ZNF827: variants seen among roughly 807,000 people sequenced by gnomAD.
The protein encoded by ZNF827 is zinc finger protein 827.
A neutral mutation model predicts 102.4 loss-of-function variants in ZNF827; 13 were observed. The observed-to-expected ratio is 0.13, with a 90% CI of 0.08 to 0.20. ZNF827 has a LOEUF of 0.20. Among genes scored for constraint, ZNF827 ranks in the 10% least tolerant of loss-of-function variants. The probability of loss-of-function intolerance (pLI) is 1.00; values close to 1 mark genes in which losing one functional copy is unlikely to be tolerated. For missense variants in ZNF827, 1,103 were observed against 1,344.4 expected, an observed-to-expected ratio of 0.82 and a Z score of 2.81; for synonymous variants, 523 against 536.2, an observed-to-expected ratio of 0.98 and a Z score of 0.34.
intron 7 of ZNF827, chr4:145,830,754 T>C (rs1344356401): frequency 6.6e-6 from 1 of 152,210 alleles, no homozygotes; most frequent in Non-Finnish European, 1.5e-5. Context: ...TCGAACACTT[T>C]AAAAAATAAA....
At chr4:145,845,497 A>G (rs961743242) in intron 7 of ZNF827, among the ~76,000 whole-genome samples, 1 of 152,150 alleles carries the variant, frequency 6.6e-6, no homozygotes, top group East Asian at 1.9e-4. Context: ...GTTAAAAAAA[A>G]TTTGGGATAT....
chr4:145,882,420 CA>C lies in ZNF827; in HGVS notation c.1747+3257del, dbSNP rs528955447. Among the ~76,000 whole-genome samples, 11 of 152,192 alleles carry C rather than the reference CA, an allele frequency of 7.2e-5. No individual in the cohort carries two copies. The East Asian group carries it at 2.1e-3, about 29-fold the overall frequency. ...GCAGCATTATTTTTGAAGGACCAAG[CA>C]GTGTTAAGTGTGGGCTCAGTCAGAA... is the stretch of plus-strand genomic sequence containing the variant. On this transcript the variant is annotated intron_variant, in intron 4 of 14. Coordinates refer to ENST00000508784, the MANE Select transcript of ZNF827 (RefSeq NM_001306215.2).
chr4:145,813,210 C>T (rs886682697), intron 8 of ZNF827, among the ~76,000 whole-genome samples: 4 of 152,260 alleles, frequency 2.6e-5, no homozygotes, highest in East Asian at 1.9e-4. Context: ...CCTCACAGTA[C>T]GTCACAGCAG....
chr4:145,811,052 C>T (rs917546020), intron 8 of ZNF827, among the ~76,000 whole-genome samples: 3 of 150,322 alleles, frequency 2.0e-5, no homozygotes, highest in Non-Finnish European at 4.4e-5. Flanking sequence ...AGTGCAGTGG[C>T]ACAATCCTGG....
intron 8 of ZNF827, among the ~76,000 whole-genome samples, chr4:145,817,254 G>T (rs547671555): frequency 1.3e-5 from 2 of 152,248 alleles, no homozygotes; most frequent in South Asian, 4.1e-4. Flanking sequence ...GTAGGTGGGA[G>T]AATTTTAGCA....
At chr4:145,908,857 T>C (rs1752071514) in intron 1 of ZNF827, among the ~76,000 whole-genome samples, 1 of 151,590 alleles carries the variant, frequency 6.6e-6, no homozygotes, top group African/African-American at 2.4e-5. Flanking sequence ...ACAGCAAGGG[T>C]TGTGTAAGCA....
rs1455646958 is a variant in ZNF827 at position 145,759,753 on chromosome 4, T to TC, written c.*1862dup. ...CATAGCACTGTGCAAAACTGCCATT[T>TC]CTTTTTTTTAGTCTGAGCATTTATA... is the stretch of plus-strand genomic sequence containing the variant. On this transcript the variant is annotated 3_prime_UTR_variant, in exon 15 of 15. Transcript: ENST00000508784. 6.6e-6 allele frequency: 1 copy of TC among 152,186 alleles called. No homozygotes were observed. Among genetic ancestry groups the TC allele is most frequent in the Non-Finnish European group, 1.5e-5 (1 of 68,032 alleles). The allele number at this position is 152,186 out of a possible 1,614,324, so 9.4% of individuals were successfully genotyped here. A position where few individuals can be genotyped will look rare whatever the true frequency, so the allele number is the denominator to read the frequency against.
At chr4:145,872,180 A>G (rs1327306370) in intron 4 of ZNF827, among the ~76,000 whole-genome samples, 2 of 152,126 alleles carry the variant, frequency 1.3e-5, no homozygotes, top group Non-Finnish European at 2.9e-5. Flanking sequence ...GTGTCCCTTC[A>G]TATGTCGAAG....
At chr4:145,873,171 G>A (rs927208279) in intron 4 of ZNF827, among the ~76,000 whole-genome samples, 7 of 151,934 alleles carry the variant, frequency 4.6e-5, no homozygotes, top group Non-Finnish European at 2.9e-5. Context: ...TCCTGACCTC[G>A]TGATCCACCC....
intron 7 of ZNF827, among the ~76,000 whole-genome samples, chr4:145,837,530 C>T (rs531268805): frequency 3.9e-4 from 59 of 152,250 alleles, no homozygotes; most frequent in African/African-American, 1.3e-3. Flanking sequence ...TCCTATTCAC[C>T]GTTCTCAACT....
intron 8 of ZNF827, among the ~76,000 whole-genome samples, chr4:145,800,171 C>G (rs1416670542): frequency 6.6e-6 from 1 of 152,150 alleles, no homozygotes; most frequent in Non-Finnish European, 1.5e-5. Context: ...ATGTTTGATG[C>G]TTATTTTCCA....
chr4:145,853,743 T>C (rs1042753355), intron 5 of ZNF827, among the ~76,000 whole-genome samples: 1 of 152,136 alleles, frequency 6.6e-6, no homozygotes, highest in Non-Finnish European at 1.5e-5. Flanking sequence ...GGTGTATGGA[T>C]TGCATGAACC....
intron 11 of ZNF827, among the ~76,000 whole-genome samples, chr4:145,771,496 C>T (rs1167642943): frequency 6.6e-6 from 1 of 152,136 alleles, no homozygotes; most frequent in Non-Finnish European, 1.5e-5. Context: ...CCATTTATTG[C>T]AACATTTAGA....
At chr4:145,768,881 A>AAAAAT (rs1735750787) in intron 11 of ZNF827, among the ~76,000 whole-genome samples, 1 of 31,342 alleles carries the variant, frequency 3.2e-5, no homozygotes, top group African/African-American at 1.0e-4. Context: ...AAAAAAAAAA[A>AAAAAT]AAAAAAAAAA....
At chr4:145,932,248 C>T (rs186153744) in intron 1 of ZNF827, among the ~76,000 whole-genome samples, 7 of 152,324 alleles carry the variant, frequency 4.6e-5, no homozygotes, top group African/African-American at 1.7e-4. Context: ...GTCTGAGACA[C>T]CTTGTCATCT....
Position 145,937,355 on chromosome 4 carries a change from AG to A in ZNF827, c.43+1009del, listed in dbSNP as rs377698487. Reference sequence around the variant, plus strand: ...TGGACTCTGCTCAGGCTCGCCAAGGAGGGGGTCTGAGAGCCCGAGTCTCGCC... The same window carrying A: ...TGGACTCTGCTCAGGCTCGCCAAGGAGGGGTCTGAGAGCCCGAGTCTCGCC... On this transcript the variant is annotated intron_variant, in intron 1 of 14. Transcript: ENST00000508784. Among the ~76,000 whole-genome samples the A allele has an allele frequency of 2.6e-3, 393 of 151,738 alleles. 1 individual carries two copies. Among genetic ancestry groups the A allele is most frequent in the East Asian group, 0.02 (103 of 5,114 alleles).
At chr4:145,809,128 C>A (rs547612966) in intron 8 of ZNF827, among the ~76,000 whole-genome samples, 2 of 152,288 alleles carry the variant, frequency 1.3e-5, no homozygotes, top group African/African-American at 4.8e-5. Context: ...GTGGTTCTGC[C>A]AAAGTGGATT....
intron 4 of ZNF827, among the ~76,000 whole-genome samples, chr4:145,878,602 C>CAGGACAGGAAAGGAA (rs1749371294): frequency 3.6e-4 from 23 of 63,520 alleles, no homozygotes; most frequent in African/African-American, 7.0e-4. Context: ...CAGGACAGGA[C>CAGGACAGGAAAGGAA]AGGAAAGGAA....
intron 8 of ZNF827, among the ~76,000 whole-genome samples, chr4:145,811,280 A>G (rs1228959570): frequency 6.6e-6 from 1 of 152,172 alleles, no homozygotes; most frequent in Non-Finnish European, 1.5e-5. Flanking sequence ...TACGTGAGCC[A>G]CTGCGCCTGG....
Sources: allele counts gnomAD v4.1 joint callset (sites outside exome capture counted in the v4.1 genomes callset), GRCh38; gene constraint gnomAD v4.1.1; transcripts MANE v1.5; gene names NCBI Gene and HGNC (gene_info 2026-07-23, HGNC 2026-07-21).